FHIT: variants seen among roughly 807,000 people sequenced by gnomAD.
The protein encoded by FHIT is fragile histidine triad diadenosine triphosphatase.
FHIT carries 19 observed loss-of-function variants against 17.9 expected under a neutral mutation model. The ratio of observed to expected loss-of-function variants is 1.06; its 90% CI spans 0.74 to 1.56. The LOEUF (loss-of-function observed/expected upper bound fraction) is 1.56, where lower values mean the gene tolerates loss of function less well. Ranked by LOEUF, FHIT falls within the 40% of genes most tolerant of loss-of-function variation. The probability of loss-of-function intolerance (pLI) is 0.00; values close to 1 mark genes in which losing one functional copy is unlikely to be tolerated. For synonymous variants in FHIT, 81 were observed against 69.7 expected, an observed-to-expected ratio of 1.16 and a Z score of -0.81; for missense variants, 248 against 189.2, an observed-to-expected ratio of 1.31 and a Z score of -1.82.
intron 4 of FHIT, among the ~76,000 whole-genome samples, chr3:60,608,483 A>T (rs372637240): frequency 1.3e-5 from 2 of 152,270 alleles, no homozygotes; most frequent in East Asian, 3.9e-4. Context: ...TGTTCACCAG[A>T]GGTTCAGTCC....
chr3:60,513,873 C>T (rs1294174242), intron 5 of FHIT, among the ~76,000 whole-genome samples: 1 of 152,106 alleles, frequency 6.6e-6, no homozygotes, highest in East Asian at 1.9e-4. Flanking sequence ...AACCCCAAAC[C>T]CCACGCTCCA....
intron 7 of FHIT, among the ~76,000 whole-genome samples, chr3:59,968,576 A>G (rs574844697): frequency 1.3e-5 from 2 of 152,244 alleles, no homozygotes; most frequent in African/African-American, 2.4e-5. Flanking sequence ...CAGTTCTCAC[A>G]ATGCCTCTAG....
chr3:60,127,056 G>C (rs1576160092), intron 5 of FHIT, among the ~76,000 whole-genome samples: 1 of 152,158 alleles, frequency 6.6e-6, no homozygotes, highest in Non-Finnish European at 1.5e-5. Flanking sequence ...GACTTTTCAG[G>C]CCTGCCTGGT....
At chr3:60,628,832 A>T (rs889526130) in intron 4 of FHIT, among the ~76,000 whole-genome samples, 9 of 152,198 alleles carry the variant, frequency 5.9e-5, no homozygotes, top group African/African-American at 2.2e-4. Context: ...GACTGCTTCT[A>T]CCCCTAGCAA....
chr3:60,066,312 T>C (rs1702502665), intron 5 of FHIT, among the ~76,000 whole-genome samples: 1 of 152,204 alleles, frequency 6.6e-6, no homozygotes, highest in African/African-American at 2.4e-5. Flanking sequence ...TTCCCAACGA[T>C]ATCTAAGAGC....
intron 5 of FHIT, among the ~76,000 whole-genome samples, chr3:60,079,019 C>T (rs1338449649): frequency 6.6e-6 from 1 of 152,014 alleles, no homozygotes; most frequent in East Asian, 1.9e-4. Flanking sequence ...AGTGACTTGT[C>T]TTCATTGAGG....
chr3:61,213,783 G>C (rs550213161), intron 1 of FHIT, among the ~76,000 whole-genome samples: 2 of 152,110 alleles, frequency 1.3e-5, no homozygotes, highest in Non-Finnish European at 2.9e-5. Context: ...AAATGTAAAA[G>C]AACAGAAATT....
At chr3:59,835,302 G>A (rs1701301463) in intron 8 of FHIT, among the ~76,000 whole-genome samples, 1 of 152,146 alleles carries the variant, frequency 6.6e-6, no homozygotes, top group African/African-American at 2.4e-5. Flanking sequence ...AAGTGAGAGT[G>A]ATAATATTCC....
At chr3:60,100,394 AT>A (rs1488974998) in intron 5 of FHIT, among the ~76,000 whole-genome samples, 8 of 152,112 alleles carry the variant, frequency 5.3e-5, no homozygotes, top group African/African-American at 9.7e-5. Context: ...AAAAAAAAAA[AT>A]TGTGATTTTT....
chr3:61,097,092 A>G (rs2106833755), intron 2 of FHIT, among the ~76,000 whole-genome samples: 1 of 152,120 alleles, frequency 6.6e-6, no homozygotes, highest in South Asian at 2.1e-4. Context: ...AAAAAAAAAA[A>G]AAAAAAAGAC....
At chr3:60,173,884 AATATATATATATATATAT>A (rs776742490) in intron 5 of FHIT, among the ~76,000 whole-genome samples, 645 of 30,516 alleles carry the variant, frequency 0.021, 49 homozygotes, top group African/African-American at 0.095. Flanking sequence ...CCATGTTTCT[AATATATATATATATATAT>A]ATATATATAT....
intron 5 of FHIT, among the ~76,000 whole-genome samples, chr3:60,357,717 A>ATGC (rs1699734680): frequency 6.6e-6 from 1 of 152,172 alleles, no homozygotes; most frequent in East Asian, 1.9e-4. Flanking sequence ...TGTAGTATAT[A>ATGC]CTTTCATATT....
chr3:60,452,081 T>C (rs1418832274), intron 5 of FHIT, among the ~76,000 whole-genome samples: 1 of 152,206 alleles, frequency 6.6e-6, no homozygotes, highest in Non-Finnish European at 1.5e-5. Context: ...TCTATACTTC[T>C]GTGAGATTTC....
rs115598377 is a variant in FHIT at position 61,240,258 on chromosome 3, C to G, written c.-213+11043G>C. Among the ~76,000 whole-genome samples, 1,124 of 152,298 alleles carry G rather than the reference C, an allele frequency of 7.4e-3. 16 individuals are homozygous for G. Among genetic ancestry groups the G allele is most frequent in the African/African-American group, 0.024 (1,000 of 41,548 alleles). On this transcript the variant is annotated intron_variant, in intron 1 of 9. Coordinates refer to ENST00000492590, the MANE Select transcript of FHIT (RefSeq NM_002012.4). ...AGTGGCTACCTGTTTTGCTGTATCC[C>G]TAGTGTCACATCCCTCTTCTGAAGG...
chr3:60,363,350 C>A (rs189048297), intron 5 of FHIT, among the ~76,000 whole-genome samples: 1 of 152,130 alleles, frequency 6.6e-6, no homozygotes, highest in Non-Finnish European at 1.5e-5. Flanking sequence ...TGTAGCAACA[C>A]GGAAAACTGC....
intron 7 of FHIT, among the ~76,000 whole-genome samples, chr3:59,965,876 A>C (rs1407570064): frequency 6.6e-6 from 1 of 152,202 alleles, no homozygotes; most frequent in Non-Finnish European, 1.5e-5. Flanking sequence ...GGCTCTATCA[A>C]ACAAGAGCAA....
intron 8 of FHIT, among the ~76,000 whole-genome samples, chr3:59,839,093 G>A (rs774579194): frequency 1.6e-4 from 24 of 152,244 alleles, no homozygotes; most frequent in Admixed American, 1.0e-3. Flanking sequence ...GAGGCAGGTG[G>A]ATCACTTGAG....
intron 3 of FHIT, among the ~76,000 whole-genome samples, chr3:60,843,945 C>T (rs2736758): frequency 0.34 from 51,123 of 151,816 alleles, 10,150 homozygotes; most frequent in African/African-American, 0.55. Flanking sequence ...AAGGCAAGCA[C>T]GCATGTATGT....
intron 5 of FHIT, among the ~76,000 whole-genome samples, chr3:60,096,122 G>A (rs1703937850): frequency 6.6e-6 from 1 of 152,164 alleles, no homozygotes; most frequent in Admixed American, 6.5e-5. Context: ...ATAGGAGATG[G>A]CCCGCCCACT....
Sources: allele counts gnomAD v4.1 joint callset (sites outside exome capture counted in the v4.1 genomes callset), GRCh38; gene constraint gnomAD v4.1.1; transcripts MANE v1.5; gene names NCBI Gene and HGNC (gene_info 2026-07-23, HGNC 2026-07-21).